Variants in NCAPD2 observed in about 807,000 individuals in gnomAD.
NCAPD2 encodes the protein condensin complex subunit 1.
Under a neutral mutation model 164.5 loss-of-function variants are expected in NCAPD2, and 100 were observed. The ratio of observed to expected loss-of-function variants is 0.61; its 90% confidence interval spans 0.52 to 0.72. The LOEUF is 0.72. Ranked by LOEUF, NCAPD2 falls within the 30% of genes least tolerant of loss-of-function variation. The pLI, the probability that NCAPD2 is intolerant of heterozygous loss-of-function variation, is 0.00. For synonymous variants in NCAPD2, 585 were observed against 642.6 expected (o/e 0.91, Z 1.36); for missense variants, 1,560 against 1,749.2 (o/e 0.89, Z 1.93).
intron 13 of NCAPD2, among the ~76,000 whole-genome samples, chr12:6,518,503 A>ATTTTTTTTTTTTTTTTT (rs1565544079): frequency 6.5e-5 from 2 of 30,716 alleles, no homozygotes; most frequent in Non-Finnish European, 1.2e-4. Flanking sequence ...GCCGTCAACA[A>ATTTTTTTTTTTTTTTTT]GTTTTTTTTT....
intron 6 of NCAPD2, among the ~76,000 whole-genome samples, chr12:6,512,342 T>C (rs1946159198): frequency 6.6e-6 from 1 of 151,362 alleles, no homozygotes; most frequent in Non-Finnish European, 1.5e-5. Flanking sequence ...CAAGCTACTC[T>C]AGTAAGACTT....
chr12:6,520,320 C>T (rs926958022), intron 13 of NCAPD2, among the ~76,000 whole-genome samples: 13 of 151,952 alleles, frequency 8.6e-5, no homozygotes, highest in African/African-American at 2.9e-4. Context: ...CAACTCACTG[C>T]AGCTTTGATC....
chr12:6,496,059 C>CTTT (rs11423649), intron 2 of NCAPD2, among the ~76,000 whole-genome samples: 4 of 136,590 alleles, frequency 2.9e-5, no homozygotes, highest in African/African-American at 5.4e-5. Context: ...TTTTGTTTTT[C>CTTT]TTTTTTTTTT....
chr12:6,530,939 TG>T lies in NCAPD2; in HGVS notation c.3985del (p.Ala1329LeufsTer51). ...KPSTGSRYQP[L>X]ASTASDNDFV... Reference sequence around the variant, plus strand: ...TTTCTAGGTTCTAGGTACCAGCCTCTGGCTTCTACAGCCTCAGACAATGACT... The same window carrying T: ...TTTCTAGGTTCTAGGTACCAGCCTCTGCTTCTACAGCCTCAGACAATGACT... On this transcript the variant is annotated frameshift_variant, in exon 31 of 32. Transcript: ENST00000315579. LOFTEE classifies it high-confidence loss of function. The T allele has an allele frequency of 6.2e-7, 1 of 1,614,204 alleles. No individual in the cohort carries two copies. The highest frequency in any genetic ancestry group is 8.5e-7 in the Non-Finnish European group (1 of 1,180,028).
chr12:6,503,161 G>A (rs1159716222), intron 2 of NCAPD2, among the ~76,000 whole-genome samples: 1 of 151,838 alleles, frequency 6.6e-6, no homozygotes, highest in Non-Finnish European at 1.5e-5. Flanking sequence ...GGCCTACAAA[G>A]GTTTCTAATA....
intron 14 of NCAPD2, 37 bp downstream of exon 14, chr12:6,521,147 T>C (rs1302633741): frequency 1.2e-6 from 2 of 1,603,754 alleles, no homozygotes; most frequent in Non-Finnish European, 8.5e-7. Context: ...AAATAACACA[T>C]GTCAACTGGT....
chr12:6,522,769 G>T (rs779763144), intron 15 of NCAPD2, 59 bp from the exon 16 acceptor site: 2 of 1,573,316 alleles, frequency 1.3e-6, no homozygotes, highest in South Asian at 2.3e-5. Context: ...AGGTTCTGTC[G>T]TTAGGTATTG....
At chr12:6,527,113 A>C in intron 22 of NCAPD2, 50 bp downstream of exon 22, 2 of 1,523,120 alleles carry the variant, frequency 1.3e-6, no homozygotes, top group Non-Finnish European at 1.8e-6. Context: ...ACCTCAGCTC[A>C]GAACTGAGCT....
At chr12:6,508,226 G>A (rs1234058208) in intron 2 of NCAPD2, among the ~76,000 whole-genome samples, 1 of 152,136 alleles carries the variant, frequency 6.6e-6, no homozygotes, top group African/African-American at 2.4e-5. Context: ...GGAGGCTGAG[G>A]CAGTAGGGAG....
At chr12:6,520,426 A>C (rs1946253978) in intron 13 of NCAPD2, among the ~76,000 whole-genome samples, 1 of 145,478 alleles carries the variant, frequency 6.9e-6, no homozygotes, top group Non-Finnish European at 1.5e-5. Context: ...CATCACACCC[A>C]CAGGCACACA....
chr12:6,501,202 A>G (rs996776209), intron 2 of NCAPD2, among the ~76,000 whole-genome samples: 4 of 144,168 alleles, frequency 2.8e-5, no homozygotes, highest in African/African-American at 7.7e-5. Flanking sequence ...CTAGGATTAC[A>G]GGTGTGCACC....
chr12:6,529,314 A>G (rs1946349000), intron 27 of NCAPD2, 199 bp from the exon 28 acceptor site: 3 of 627,330 alleles, frequency 4.8e-6, no homozygotes, highest in Non-Finnish European at 8.4e-6. Flanking sequence ...TTCCATTCAC[A>G]GTGAAAATTC....
chr12:6,495,751 T>C (rs889488854), intron 2 of NCAPD2, among the ~76,000 whole-genome samples: 1 of 152,230 alleles, frequency 6.6e-6, no homozygotes, highest in Non-Finnish European at 1.5e-5. Flanking sequence ...GACTTCATAA[T>C]GTCCTTGTAC....
At chr12:6,513,104 T>C (rs375638422) in intron 6 of NCAPD2, among the ~76,000 whole-genome samples, 6 of 152,252 alleles carry the variant, frequency 3.9e-5, no homozygotes, top group African/African-American at 1.4e-4. Context: ...GATCTGGAGT[T>C]CAGGAGAGAG....
At chr12:6,498,869 G>T (rs1173143831) in intron 2 of NCAPD2, among the ~76,000 whole-genome samples, 1 of 152,140 alleles carries the variant, frequency 6.6e-6, no homozygotes, top group Non-Finnish European at 1.5e-5. Context: ...CTCCCAAAGT[G>T]CTGGGATTAC....
intron 4 of NCAPD2, 57 bp from the exon 5 acceptor site, chr12:6,510,572 A>T: frequency 1.3e-6 from 2 of 1,583,396 alleles, no homozygotes; most frequent in Non-Finnish European, 1.7e-6. Flanking sequence ...GGTGTTTTGA[A>T]GTTGGGGTAT....
chr12:6,517,167 A>G (rs1432727061), intron 10 of NCAPD2, 142 bp downstream of exon 10: 9 of 1,245,740 alleles, frequency 7.2e-6, no homozygotes, highest in Non-Finnish European at 7.8e-6. Flanking sequence ...GTCTTCCTCT[A>G]CCAAGGACGA....
At chr12:6,525,995 C>T (rs1403150831) in intron 18 of NCAPD2, 73 bp from the exon 19 acceptor site, 5 of 1,560,366 alleles carry the variant, frequency 3.2e-6, no homozygotes, top group African/African-American at 1.3e-5. Context: ...CTGGTACCTA[C>T]CCCTATTGGC....
Position 6,526,913 on chromosome 12 carries a change from C to T in NCAPD2, c.2757C>T (p.Pro919=), listed in dbSNP as rs11545056. 1 of 1,613,602 alleles carries T rather than the reference C, an allele frequency of 6.2e-7. No individual in the cohort carries two copies. The highest frequency in any genetic ancestry group is 8.5e-7 in the Non-Finnish European group (1 of 1,179,798). Reference sequence around the variant, plus strand: ...CAGAGGAGTCCCCCGCAATGCTCCCCACTTTCCTGTTGATGAACCTGCTGT... The same window carrying T: ...CAGAGGAGTCCCCCGCAATGCTCCCTACTTTCCTGTTGATGAACCTGCTGT... ...EDPKESPAML[P]TFLLMNLLSL... Residue 919 remains proline (P), a synonymous_variant, in exon 22 of 32, where the codon CCC becomes CCT. Coordinates refer to ENST00000315579, the MANE Select transcript of NCAPD2 (RefSeq NM_014865.4).
Sources: allele counts gnomAD v4.1 joint callset (sites outside exome capture counted in the v4.1 genomes callset), GRCh38; gene constraint gnomAD v4.1.1; transcripts MANE v1.5; gene names NCBI Gene and HGNC (gene_info 2026-07-23, HGNC 2026-07-21).